ZNF804B: variants seen among roughly 807,000 people sequenced by gnomAD.
ZNF804B encodes zinc finger 804B.
ZNF804B carries 80 observed loss-of-function variants against 101.4 expected under a neutral mutation model. The observed-to-expected ratio is 0.79, with a 90% CI of 0.66 to 0.95. ZNF804B has a LOEUF of 0.95. Among genes scored for constraint, ZNF804B ranks in the 40% least tolerant of loss-of-function variants. The probability of loss-of-function intolerance (pLI) is 0.00; values close to 1 mark genes in which losing one functional copy is unlikely to be tolerated. For synonymous variants in ZNF804B, 622 were observed against 558.8 expected, an observed-to-expected ratio of 1.11 and a Z score of -1.59; for missense variants, 1,673 against 1,561.9, an observed-to-expected ratio of 1.07 and a Z score of -1.20.
rs112724228 is a variant in ZNF804B at position 89,204,317 on chromosome 7, T to C, written c.109-13838T>C. Among the ~76,000 whole-genome samples the C allele has an allele frequency of 6.2e-3, 947 of 152,286 alleles. 10 individuals carry two copies. The highest frequency in any genetic ancestry group is 0.022 in the African/African-American group (897 of 41,560). ...GTATTCAATTTAGATGAATGCAATA[T>C]GTCTATATTCATTACAGTTATACCT... is the stretch of plus-strand genomic sequence containing the variant. On this transcript the variant is annotated intron_variant, in intron 1 of 3. Transcript: ENST00000333190.
intron 1 of ZNF804B, among the ~76,000 whole-genome samples, chr7:88,845,505 C>T (rs948568947): frequency 6.6e-5 from 10 of 152,122 alleles, no homozygotes; most frequent in South Asian, 6.2e-4. Context: ...GTGTAACCCA[C>T]AGGCATGGTG....
At chr7:88,828,979 CTGA>C (rs1461008647) in intron 1 of ZNF804B, among the ~76,000 whole-genome samples, 4 of 152,128 alleles carry the variant, frequency 2.6e-5, no homozygotes, top group Non-Finnish European at 5.9e-5. Flanking sequence ...TACCCAGCTA[CTGA>C]ACTGTTATGT....
chr7:88,900,808 AAAG>A (rs1170614551), intron 1 of ZNF804B, among the ~76,000 whole-genome samples: 1 of 151,576 alleles, frequency 6.6e-6, no homozygotes, highest in African/African-American at 2.4e-5. Flanking sequence ...ATTACAATGC[AAAG>A]AAGATTAGTT....
At chr7:88,801,770 T>C (rs1397402062) in intron 1 of ZNF804B, among the ~76,000 whole-genome samples, 1 of 151,938 alleles carries the variant, frequency 6.6e-6, no homozygotes. Context: ...AAAAAGAACT[T>C]TGAAAAAATG....
chr7:88,889,357 G>A (rs1792181349), intron 1 of ZNF804B, among the ~76,000 whole-genome samples: 3 of 151,998 alleles, frequency 2.0e-5, no homozygotes, highest in Admixed American at 2.0e-4. Flanking sequence ...AGTTACTTGA[G>A]AGATCTCCAT....
At chr7:89,038,827 T>A (rs1360178733) in intron 1 of ZNF804B, among the ~76,000 whole-genome samples, 2 of 152,138 alleles carry the variant, frequency 1.3e-5, no homozygotes, top group African/African-American at 4.8e-5. Context: ...TTTCAGTTGA[T>A]TTTTGTATAT....
intron 1 of ZNF804B, among the ~76,000 whole-genome samples, chr7:89,167,777 A>G (rs1415624979): frequency 1.3e-5 from 2 of 152,152 alleles, no homozygotes; most frequent in Non-Finnish European, 2.9e-5. Context: ...TCTCAAACAG[A>G]AAAATGAGAG....
rs184347076 is a variant in ZNF804B at position 89,054,364 on chromosome 7, A to T, written c.109-163791A>T. The stretch of plus-strand genomic sequence containing the variant: ...CCTTATATATTCTTACTATATATGA[A>T]TAAAACACTTTCTGGAGAGAAAAAA... On this transcript the variant is annotated intron_variant, in intron 1 of 3. Coordinates refer to ENST00000333190, the MANE Select transcript of ZNF804B (RefSeq NM_181646.5). Among the ~76,000 whole-genome samples, 6 of 150,120 alleles carry T rather than the reference A, an allele frequency of 4.0e-5. No homozygotes were observed. The East Asian group carries it at 1.2e-3, about 29-fold the overall frequency.
intron 1 of ZNF804B, among the ~76,000 whole-genome samples, chr7:88,869,314 T>TA (rs1393742353): frequency 1.2e-4 from 18 of 152,170 alleles, no homozygotes; most frequent in African/African-American, 3.6e-4. Context: ...ACCCACCAGG[T>TA]ATACCTACCT....
chr7:88,944,932 A>G (rs1793105358), intron 1 of ZNF804B, among the ~76,000 whole-genome samples: 1 of 151,736 alleles, frequency 6.6e-6, no homozygotes, highest in Admixed American at 6.6e-5. Context: ...AACATAAAAG[A>G]TGGGGTTGTT....
intron 1 of ZNF804B, among the ~76,000 whole-genome samples, chr7:89,113,448 A>G (rs1583994086): frequency 6.6e-6 from 1 of 152,200 alleles, no homozygotes; most frequent in African/African-American, 2.4e-5. Context: ...ATGGAGACAC[A>G]AGTATGAATA....
chr7:89,007,536 TA>T (rs1474587998), intron 1 of ZNF804B, among the ~76,000 whole-genome samples: 1 of 58,394 alleles, frequency 1.7e-5, no homozygotes, highest in Admixed American at 2.0e-4. Flanking sequence ...ATATCTATTA[TA>T]ATTATATATA....
chr7:89,139,808 G>T (rs1055309528), intron 1 of ZNF804B, among the ~76,000 whole-genome samples: 2 of 151,882 alleles, frequency 1.3e-5, no homozygotes, highest in Non-Finnish European at 2.9e-5. Flanking sequence ...ATCCATGATG[G>T]TTAGAATCAA....
chr7:88,937,543 A>G (rs566984375), intron 1 of ZNF804B, among the ~76,000 whole-genome samples: 1 of 152,144 alleles, frequency 6.6e-6, no homozygotes, highest in East Asian at 1.9e-4. Flanking sequence ...TATGTTAACC[A>G]TAGAACACAG....
intron 1 of ZNF804B, among the ~76,000 whole-genome samples, chr7:89,097,289 A>G (rs182858922): frequency 1.1e-4 from 16 of 152,328 alleles, no homozygotes; most frequent in South Asian, 2.1e-4. Flanking sequence ...TTACTTGTAC[A>G]TGGCTCACAG....
chr7:89,186,973 C>A (rs1309150673), intron 1 of ZNF804B, among the ~76,000 whole-genome samples: 1 of 152,116 alleles, frequency 6.6e-6, no homozygotes, highest in Non-Finnish European at 1.5e-5. Flanking sequence ...CTAGCCCCTG[C>A]CTTTCTAATC....
intron 3 of ZNF804B, 82 bp from the exon 4 acceptor site, chr7:89,333,281 T>G: frequency 7.6e-7 from 1 of 1,319,858 alleles, no homozygotes; most frequent in Middle Eastern, 1.9e-4. Context: ...TAACTCATCT[T>G]AGAAACACTA....
intron 1 of ZNF804B, among the ~76,000 whole-genome samples, chr7:88,890,362 C>A (rs779461081): frequency 1.1e-4 from 16 of 152,082 alleles, no homozygotes; most frequent in Non-Finnish European, 2.1e-4. Flanking sequence ...TTTACATAGA[C>A]AGGAGTTTGC....
At chr7:89,102,571 T>C (rs1333988192) in intron 1 of ZNF804B, among the ~76,000 whole-genome samples, 2 of 152,038 alleles carry the variant, frequency 1.3e-5, no homozygotes, top group Non-Finnish European at 2.9e-5. Context: ...TCTTTGTAGA[T>C]TGTGCATATT....
Sources: allele counts gnomAD v4.1 joint callset (sites outside exome capture counted in the v4.1 genomes callset), GRCh38; gene constraint gnomAD v4.1.1; transcripts MANE v1.5; gene names NCBI Gene and HGNC (gene_info 2026-07-23, HGNC 2026-07-21).